CCDC68: variants seen among roughly 807,000 people sequenced by gnomAD.
The protein encoded by CCDC68 is coiled-coil domain containing 68, also known as coiled-coil domain-containing protein 68.
In CCDC68, 45 loss-of-function variants were observed where a neutral mutation model predicts 47.1. That is an observed-to-expected ratio of 0.96 (90% CI 0.75 to 1.23). The LOEUF (loss-of-function observed/expected upper bound fraction) is 1.23. CCDC68 is among the 50% of genes most tolerant of loss of function. The pLI is 0.00. For missense variants in CCDC68, 353 were observed against 373.6 expected (o/e 0.94, Z 0.45); for synonymous variants, 131 against 129.5 (o/e 1.01, Z -0.08).
At chr18:54,942,906 T>C (rs2044462495) in intron 2 of CCDC68, 103 bp from the exon 3 acceptor site, 2 of 694,288 alleles carry the variant, frequency 2.9e-6, no homozygotes, top group Non-Finnish European at 5.1e-6. Flanking sequence ...TAGTCAAATA[T>C]AGCAGAAAAG....
chr18:54,938,186 T>C, intron 4 of CCDC68, 89 bp from the exon 5 acceptor site: 1 of 1,242,636 alleles, frequency 8.0e-7, no homozygotes, highest in South Asian at 2.1e-5. Flanking sequence ...ATTACATATA[T>C]CAAAGAAGCT....
chr18:54,937,522 G>C (rs2044368928), intron 5 of CCDC68: 1 of 153,316 alleles, frequency 6.5e-6, no homozygotes, highest in Admixed American at 6.5e-5. Flanking sequence ...ATAGACAAAT[G>C]TAAAAATATT....
intron 10 of CCDC68, among the ~76,000 whole-genome samples, chr18:54,912,730 A>T (rs1914438637): frequency 6.6e-6 from 1 of 152,184 alleles, no homozygotes; most frequent in African/African-American, 2.4e-5. Flanking sequence ...TTTATAAAGG[A>T]AAGACGTTTA....
intron 10 of CCDC68, among the ~76,000 whole-genome samples, chr18:54,917,631 T>C (rs1182037464): frequency 1.3e-5 from 2 of 152,176 alleles, no homozygotes; most frequent in African/African-American, 4.8e-5. Flanking sequence ...TTCTTATGCA[T>C]AGAATATGCA....
intron 10 of CCDC68, among the ~76,000 whole-genome samples, chr18:54,916,793 G>C (rs761913104): frequency 2.0e-5 from 3 of 152,164 alleles, no homozygotes; most frequent in Non-Finnish European, 2.9e-5. Context: ...ATCTCACCTT[G>C]AATTGTAATA....
At chr18:54,915,334 T>C (rs553856870) in intron 10 of CCDC68, among the ~76,000 whole-genome samples, 1 of 152,358 alleles carries the variant, frequency 6.6e-6, no homozygotes, top group South Asian at 2.1e-4. Flanking sequence ...TTAGTGCCTA[T>C]ACTGTAGTAG....
chr18:54,953,630 A>G (rs1006344456), intron 1 of CCDC68, among the ~76,000 whole-genome samples: 1 of 123,062 alleles, frequency 8.1e-6, no homozygotes, highest in Non-Finnish European at 1.7e-5. Flanking sequence ...TGCTGATTCT[A>G]GCTCACGCTA....
At chr18:54,917,795 G>A (rs920168134) in intron 10 of CCDC68, 118 bp downstream of exon 10, 7 of 681,976 alleles carry the variant, frequency 1.0e-5, no homozygotes, top group African/African-American at 3.7e-5. Context: ...TACAATGCAT[G>A]CTTTCATACA....
At chr18:54,940,869 C>CACATAT (rs1568156446) in intron 4 of CCDC68, 128 bp downstream of exon 4, 3 of 638,644 alleles carry the variant, frequency 4.7e-6, no homozygotes, top group Non-Finnish European at 8.2e-6. Context: ...TGGCCATTAA[C>CACATAT]GTCTTTAGAT....
At chr18:54,907,581 T>C (rs1914085251) in intron 11 of CCDC68, among the ~76,000 whole-genome samples, 1 of 152,224 alleles carries the variant, frequency 6.6e-6, no homozygotes, top group African/African-American at 2.4e-5. Flanking sequence ...AATTTGTTCA[T>C]TAATTTATTT....
At position 54,920,892 on chromosome 18, in the gene CCDC68, C is replaced by T. The variant is rs145703647; in HGVS notation, c.684-1516G>A. 4.0e-3 allele frequency among the ~76,000 whole-genome samples: 616 copies of T among 152,322 alleles called. 2 individuals are homozygous for T. Among genetic ancestry groups the T allele is most frequent in the South Asian group, 0.026 (124 of 4,828 alleles). Reference sequence around the variant, plus strand: ...TCATTCTACCAAAAAGACATGTGTACTCTTATGTCCATCACAGCAGTATTC... The same window carrying T: ...TCATTCTACCAAAAAGACATGTGTATTCTTATGTCCATCACAGCAGTATTC... On this transcript the variant is annotated intron_variant, in intron 8 of 11. Transcript: ENST00000591504.
rs1057166437 is a variant in CCDC68, at chr18:54,945,420, G to A, written c.-45C>T. 5.3e-5 allele frequency: 8 copies of A among 151,996 alleles called. No individual in the cohort carries two copies. The highest frequency in any genetic ancestry group is 4.8e-5 in the African/African-American group (2 of 41,388). The allele number at this position is 151,996 out of a possible 1,614,324, so 9.4% of individuals were successfully genotyped here. On this transcript the variant is annotated 5_prime_UTR_variant, in exon 2 of 12. Transcript: ENST00000591504. Reference sequence around the variant, plus strand: ...GAAGTAAAATTAATAGAGCTAAAACGCCAACCTTGGTCTTTTAGAAGTTCA... The same window carrying A: ...GAAGTAAAATTAATAGAGCTAAAACACCAACCTTGGTCTTTTAGAAGTTCA...
In CCDC68 at chr18:54,903,959, A is replaced by G. The variant is rs1009653689; in HGVS notation, c.*399T>C. 4 of 158,578 alleles carry G rather than the reference A, an allele frequency of 2.5e-5. No homozygotes were observed. Among genetic ancestry groups the G allele is most frequent in the African/African-American group, 9.6e-5 (4 of 41,570 alleles). 9.8% of individuals were successfully genotyped at this position (158,578 alleles called of 1,614,324 possible). Reference sequence around the variant, plus strand: ...TCATACATATATATGCAGGAAATGTATGTTCATTCATACACATATACACTC... The same window carrying G: ...TCATACATATATATGCAGGAAATGTGTGTTCATTCATACACATATACACTC... On this transcript the variant is annotated 3_prime_UTR_variant, in exon 12 of 12. Coordinates refer to ENST00000591504, the MANE Select transcript of CCDC68 (RefSeq NM_025214.3).
chr18:54,909,175 G>A lies in CCDC68; in HGVS notation c.874-1313C>T, dbSNP rs372298432. On this transcript the variant is annotated intron_variant, in intron 10 of 11. Transcript: ENST00000591504. ...TTCACTTCCCAGATCTGGAAAGTGA[G>A]ACTTAAAATGGTTAGGGATCATGAG... is the stretch of plus-strand genomic sequence containing the variant. 2.2e-3 allele frequency among the ~76,000 whole-genome samples: 339 copies of A among 150,870 alleles called. 2 individuals are homozygous for A. Among genetic ancestry groups the A allele is most frequent in the South Asian group, 0.015 (71 of 4,816 alleles).
At chr18:54,911,994 T>C (rs1201369511) in intron 10 of CCDC68, among the ~76,000 whole-genome samples, 1 of 152,252 alleles carries the variant, frequency 6.6e-6, no homozygotes, top group Non-Finnish European at 1.5e-5. Context: ...ATTTAAAAAC[T>C]ACAAATCACT....
At chr18:54,936,762 T>C (rs950916702) in intron 6 of CCDC68, 71 bp downstream of exon 6, 21 of 1,586,042 alleles carry the variant, frequency 1.3e-5, no homozygotes, top group African/African-American at 1.1e-4. Flanking sequence ...TTCTAACTCT[T>C]CTAGAAAGAT....
intron 10 of CCDC68, among the ~76,000 whole-genome samples, chr18:54,911,923 G>A (rs1914392786): frequency 6.6e-6 from 1 of 152,152 alleles, no homozygotes; most frequent in Non-Finnish European, 1.5e-5. Context: ...TAGGCATTTA[G>A]TCTTGATTCA....
intron 10 of CCDC68, among the ~76,000 whole-genome samples, chr18:54,912,543 A>C (rs1330899120): frequency 6.6e-6 from 1 of 152,228 alleles, no homozygotes; most frequent in Non-Finnish European, 1.5e-5. Context: ...GACAATGACT[A>C]AAATCAACGT....
chr18:54,901,909 AT>A lies in CCDC68; in HGVS notation c.*2448del, dbSNP rs1208956832. The A allele has an allele frequency of 1.3e-5, 2 of 152,058 alleles. No individual in the cohort carries two copies. Among genetic ancestry groups the A allele is most frequent in the Non-Finnish European group, 1.5e-5 (1 of 68,010 alleles). The allele number at this position is 152,058 out of a possible 1,614,324, so 9.4% of individuals were successfully genotyped here. A position where few individuals can be genotyped will look rare whatever the true frequency, so the allele number is the denominator to read the frequency against. On this transcript the variant is annotated 3_prime_UTR_variant, in exon 12 of 12. Transcript: ENST00000591504. Reference sequence around the variant, plus strand: ...GAAGTGTTTTTTTTTTCATAAAAAAATATTTCAAATGATAATTTTATGATAG... The same window carrying A: ...GAAGTGTTTTTTTTTTCATAAAAAAAATTTCAAATGATAATTTTATGATAG...
Sources: allele counts gnomAD v4.1 joint callset (sites outside exome capture counted in the v4.1 genomes callset), GRCh38; gene constraint gnomAD v4.1.1; transcripts MANE v1.5; gene names NCBI Gene and HGNC (gene_info 2026-07-23, HGNC 2026-07-21).